RAB17: variants seen among roughly 807,000 people sequenced by gnomAD.
The protein encoded by RAB17 is RAB17, member RAS oncogene family, also known as ras-related protein Rab-17.
In RAB17, 15 loss-of-function variants were observed where a neutral mutation model predicts 19.3. That is an observed-to-expected ratio of 0.78 (90% CI 0.52 to 1.20). The LOEUF (loss-of-function observed/expected upper bound fraction) is 1.20. Among genes scored for constraint, RAB17 ranks in the 50% most tolerant of loss-of-function variants. RAB17 has a pLI of 0.00. For missense variants in RAB17, 262 were observed against 269.3 expected, an observed-to-expected ratio of 0.97 and a Z score of 0.19; for synonymous variants, 110 against 112.8, an observed-to-expected ratio of 0.97 and a Z score of 0.16.
intron 1 of RAB17, among the ~76,000 whole-genome samples, chr2:237,586,786 A>G (rs1034946214): frequency 1.3e-5 from 2 of 152,186 alleles, no homozygotes; most frequent in African/African-American, 2.4e-5. Flanking sequence ...ACCACAATAG[A>G]GAGAACGGTC....
At position 237,575,019 on chromosome 2, in the gene RAB17, C is replaced by T; in HGVS notation, c.639G>A (p.Ter213=). ...CCACAGCCCCCAGGAGTGGCTGCAC[C>T]TAGTGGGCGCAGCATTTGGCCTGCC... ...PARQAKCCAH[*] The change falls in exon 6 of 6, where the codon TAG becomes TAA. Residue 213 remains the stop codon, a stop_retained_variant. Coordinates refer to ENST00000264601, the MANE Select transcript of RAB17 (RefSeq NM_022449.4). The T allele has an allele frequency of 6.2e-7, 1 of 1,608,064 alleles. No homozygotes were observed. Among genetic ancestry groups the T allele is most frequent in the Non-Finnish European group, 8.5e-7 (1 of 1,176,692 alleles).
At chr2:237,585,851 C>T (rs75483841) in intron 2 of RAB17, 147 bp downstream of exon 2, 62,056 of 760,050 alleles carry the variant, frequency 0.082, 3,145 homozygotes, top group Non-Finnish European at 0.099. Flanking sequence ...GACCTCACCC[C>T]CTCCCCTCAC....
intron 4 of RAB17, among the ~76,000 whole-genome samples, 187 bp downstream of exon 4, chr2:237,577,070 G>A (rs12478282): frequency 0.18 from 27,823 of 152,122 alleles, 2,753 homozygotes; most frequent in East Asian, 0.27. Flanking sequence ...GGGTGCAAGT[G>A]AGAGTGAATG....
At chr2:237,588,243 C>T (rs2081366408) in intron 1 of RAB17, among the ~76,000 whole-genome samples, 1 of 151,964 alleles carries the variant, frequency 6.6e-6, no homozygotes, top group African/African-American at 2.4e-5. Context: ...TCTTGCACAT[C>T]CACAAGCCTG....
At chr2:237,577,453 A>G in intron 3 of RAB17, 71 bp from the exon 4 acceptor site, 1 of 1,502,642 alleles carries the variant, frequency 6.7e-7, no homozygotes, top group Non-Finnish European at 9.0e-7. Context: ...GGGAGGGGGA[A>G]GCCAGTGTTG....
Position 237,574,498 on chromosome 2 carries a change from C to T in RAB17, c.*521G>A. The T allele has an allele frequency of 1.3e-6, 2 of 1,550,656 alleles. No homozygotes were observed. Among genetic ancestry groups the T allele is most frequent in the South Asian group, 2.4e-5 (2 of 84,042 alleles). ...GCGCCACTGCCCCCAGCTGCCCTTCCCAGGGGCAACTTCACCAAGATGTGG... is the reference window on the plus strand; with the variant it reads ...GCGCCACTGCCCCCAGCTGCCCTTCTCAGGGGCAACTTCACCAAGATGTGG... On this transcript the variant is annotated 3_prime_UTR_variant, in exon 6 of 6. Transcript: ENST00000264601.
At chr2:237,589,119 C>T (rs1010094731) in intron 1 of RAB17, among the ~76,000 whole-genome samples, 1 of 151,372 alleles carries the variant, frequency 6.6e-6, no homozygotes, top group Non-Finnish European at 1.5e-5. Context: ...ACTCGGGAGG[C>T]TGAGGCAGGA....
At chr2:237,576,718 C>T (rs780222475) in intron 4 of RAB17, 1 of 471,142 alleles carries the variant, frequency 2.1e-6, no homozygotes, top group South Asian at 1.5e-5. Flanking sequence ...GGTGGGATGC[C>T]GTGGAAGAGA....
intron 1 of RAB17, among the ~76,000 whole-genome samples, chr2:237,590,191 C>CG (rs765416518): frequency 6.6e-6 from 1 of 151,648 alleles, no homozygotes; most frequent in East Asian, 1.9e-4. Flanking sequence ...ACCTTAAAAC[C>CG]GGAACTTTCC....
At position 237,574,985 on chromosome 2, in the gene RAB17, G is replaced by C; in HGVS notation, c.*34C>G. The C allele has an allele frequency of 6.7e-7, 1 of 1,485,182 alleles. No homozygotes were observed. Among genetic ancestry groups the C allele is most frequent in the Non-Finnish European group, 9.2e-7 (1 of 1,088,986 alleles). The allele number at this position is 1,485,182 out of a possible 1,614,324, so 92.0% of individuals were successfully genotyped here. ...GAGCTGGCCATGGCCCAGGCAGGGG[G>C]TGTCTTCCCCACAGCCCCCAGGAGT... On this transcript the variant is annotated 3_prime_UTR_variant, in exon 6 of 6. Coordinates refer to ENST00000264601, the MANE Select transcript of RAB17 (RefSeq NM_022449.4).
At chr2:237,576,643 G>C in intron 4 of RAB17, 1 of 471,270 alleles carries the variant, frequency 2.1e-6, no homozygotes, top group Non-Finnish European at 4.4e-6. Context: ...GTGTGTGTGG[G>C]GTCTCCCCAT....
intron 2 of RAB17, chr2:237,578,366 A>G (rs992963683): frequency 4.0e-6 from 2 of 505,766 alleles, no homozygotes; most frequent in Non-Finnish European, 7.0e-6. Flanking sequence ...AGTGATTGCT[A>G]TGGGGCCTTT....
rs866750127 is a variant in RAB17 at position 237,574,481 on chromosome 2, G to A, written c.*538C>T. On this transcript the variant is annotated 3_prime_UTR_variant, in exon 6 of 6. Transcript: ENST00000264601. ...ACCATGGAAGGGAACTGGCGCCACT[G>A]CCCCCAGCTGCCCTTCCCAGGGGCA... is the stretch of plus-strand genomic sequence containing the variant. 1 of 1,550,638 alleles carries A rather than the reference G, an allele frequency of 6.4e-7. No individual in the cohort carries two copies. The highest frequency in any genetic ancestry group is 8.7e-7 in the Non-Finnish European group (1 of 1,146,964).
Position 237,574,628 on chromosome 2 carries a change from C to T in RAB17, c.*391G>A. 6.6e-7 allele frequency: 1 copy of T among 1,512,504 alleles called. No homozygotes were observed. Among genetic ancestry groups the T allele is most frequent in the East Asian group, 2.5e-5 (1 of 39,802 alleles). 93.7% of individuals were successfully genotyped at this position (1,512,504 alleles called of 1,614,324 possible). ...CCCCCCAGAAGCAGGTGGGCCCAGG[C>T]TCCAGGCCAGTGCCCCCATCAAGAT... On this transcript the variant is annotated 3_prime_UTR_variant, in exon 6 of 6. Transcript: ENST00000264601.
At chr2:237,582,805 C>T (rs555261636) in intron 2 of RAB17, among the ~76,000 whole-genome samples, 2 of 152,356 alleles carry the variant, frequency 1.3e-5, no homozygotes, top group South Asian at 4.1e-4. Context: ...GCAATATCCA[C>T]ATTTATAATA....
chr2:237,574,614 C>G lies in RAB17; in HGVS notation c.*405G>C. The G allele has an allele frequency of 2.0e-6, 3 of 1,528,414 alleles. No individual in the cohort carries two copies. The Middle Eastern group carries it at 5.1e-4, about 259-fold the overall frequency. The allele number at this position is 1,528,414 out of a possible 1,614,324, so 94.7% of individuals were successfully genotyped here. A position where few individuals can be genotyped will look rare whatever the true frequency, so the allele number is the denominator to read the frequency against. On this transcript the variant is annotated 3_prime_UTR_variant, in exon 6 of 6. Transcript: ENST00000264601. ...GGCCTGCTCCCCAACCCCCCAGAAGCAGGTGGGCCCAGGCTCCAGGCCAGT... is the reference window on the plus strand; with the variant it reads ...GGCCTGCTCCCCAACCCCCCAGAAGGAGGTGGGCCCAGGCTCCAGGCCAGT...
intron 2 of RAB17, chr2:237,578,900 A>AACAC (rs59320284): frequency 0.1 from 14,927 of 143,046 alleles, 908 homozygotes; most frequent in East Asian, 0.19. Flanking sequence ...GTACCTGCTT[A>AACAC]ACACACACAC....
intron 2 of RAB17, among the ~76,000 whole-genome samples, chr2:237,583,106 A>T (rs757969764): frequency 2.0e-5 from 3 of 152,344 alleles, no homozygotes; most frequent in Non-Finnish European, 2.9e-5. Context: ...GTCTCAAAAA[A>T]AATAATAATA....
At chr2:237,589,113 G>C (rs574855927) in intron 1 of RAB17, among the ~76,000 whole-genome samples, 2 of 152,084 alleles carry the variant, frequency 1.3e-5, no homozygotes, top group South Asian at 2.1e-4. Flanking sequence ...CCAGCTACTC[G>C]GGAGGCTGAG....
Sources: allele counts gnomAD v4.1 joint callset (sites outside exome capture counted in the v4.1 genomes callset), GRCh38; gene constraint gnomAD v4.1.1; transcripts MANE v1.5; gene names NCBI Gene and HGNC (gene_info 2026-07-23, HGNC 2026-07-21).